The following CTNND2 variants were observed in gnomAD, a reference collection of about 807,000 sequenced individuals.
CTNND2 encodes the protein catenin delta 2.
Under a neutral mutation model 144.4 loss-of-function variants are expected in CTNND2, and 22 were observed. The ratio of observed to expected loss-of-function variants is 0.15; its 90% CI spans 0.11 to 0.22. The LOEUF is 0.22. Among genes scored for constraint, CTNND2 ranks in the 10% least tolerant of loss-of-function variants. The pLI is 1.00. For synonymous variants in CTNND2, 751 were observed against 695.6 expected, an observed-to-expected ratio of 1.08 and a Z score of -1.25; for missense variants, 1,353 against 1,618.8, an observed-to-expected ratio of 0.84 and a Z score of 2.82.
intron 3 of CTNND2, among the ~76,000 whole-genome samples, chr5:11,419,190 C>T (rs1762168463): frequency 6.6e-6 from 1 of 151,832 alleles, no homozygotes; most frequent in Non-Finnish European, 1.5e-5. Flanking sequence ...AACTTCCCTC[C>T]CTCTTTTATC....
At chr5:11,291,619 C>G (rs1249404472) in intron 9 of CTNND2, among the ~76,000 whole-genome samples, 1 of 152,056 alleles carries the variant, frequency 6.6e-6, no homozygotes, top group Non-Finnish European at 1.5e-5. Context: ...AACTCTGGTC[C>G]TTTCTCTCTG....
At chr5:11,220,834 A>G (rs16901416) in intron 10 of CTNND2, among the ~76,000 whole-genome samples, 8,531 of 152,232 alleles carry the variant, frequency 0.056, 796 homozygotes, top group African/African-American at 0.19. Flanking sequence ...TTTCCAGGGG[A>G]CATACATTTC....
At chr5:11,480,930 T>C (rs1430917166) in intron 3 of CTNND2, among the ~76,000 whole-genome samples, 1 of 152,114 alleles carries the variant, frequency 6.6e-6, no homozygotes, top group Non-Finnish European at 1.5e-5. Context: ...CAAGCCCTGC[T>C]GGAGCTTGGG....
At chr5:11,710,335 G>C (rs1003502952) in intron 2 of CTNND2, among the ~76,000 whole-genome samples, 1 of 152,038 alleles carries the variant, frequency 6.6e-6, no homozygotes, top group African/African-American at 2.4e-5. Flanking sequence ...GAGGTCAAGG[G>C]ATCGAGATCA....
chr5:11,229,450 G>A (rs1408107867), intron 10 of CTNND2, among the ~76,000 whole-genome samples: 3 of 152,126 alleles, frequency 2.0e-5, no homozygotes, highest in African/African-American at 4.8e-5. Context: ...GTGCCCAGGA[G>A]TTCAAGGCTA....
Position 11,523,888 on chromosome 5 carries a change from C to T in CTNND2, c.287+41056G>A, listed in dbSNP as rs551281327. ...AAGCGGGTGCAGGGGGTCTGCACGT[C>T]TCATTCTCTCCATCTATGGCCTTCA... On this transcript the variant is annotated intron_variant, in intron 3 of 21. Coordinates refer to ENST00000304623, the MANE Select transcript of CTNND2 (RefSeq NM_001332.4). 3.3e-5 allele frequency among the ~76,000 whole-genome samples: 5 copies of T among 152,300 alleles called. No individual in the cohort carries two copies. In the East Asian group the frequency reaches 9.7e-4, roughly 29 times the overall value.
At chr5:11,749,163 T>C (rs1473360993) in intron 1 of CTNND2, among the ~76,000 whole-genome samples, 3 of 152,042 alleles carry the variant, frequency 2.0e-5, no homozygotes, top group East Asian at 1.9e-4. Flanking sequence ...TCAGATGATA[T>C]AGACCTAGCT....
intron 9 of CTNND2, among the ~76,000 whole-genome samples, chr5:11,323,328 G>C (rs1211822625): frequency 6.6e-6 from 1 of 151,990 alleles, no homozygotes; most frequent in Non-Finnish European, 1.5e-5. Flanking sequence ...GAGAATACAG[G>C]CATGAAACAC....
At chr5:11,430,284 T>TC (rs1290483714) in intron 3 of CTNND2, among the ~76,000 whole-genome samples, 2 of 149,622 alleles carry the variant, frequency 1.3e-5, no homozygotes, top group African/African-American at 4.9e-5. Context: ...GTTTTTTTTT[T>TC]CCTTTTTACC....
chr5:11,594,837 ATAAGT>A (rs1779424297), intron 2 of CTNND2, among the ~76,000 whole-genome samples: 1 of 152,234 alleles, frequency 6.6e-6, no homozygotes. Flanking sequence ...TGATTTACAA[ATAAGT>A]TAAAGTTAAC....
intron 1 of CTNND2, among the ~76,000 whole-genome samples, chr5:11,858,716 T>C (rs1795362075): frequency 6.6e-6 from 1 of 152,130 alleles, no homozygotes; most frequent in African/African-American, 2.4e-5. Context: ...GATCACGAGG[T>C]CAGGAGATGG....
At chr5:11,795,159 G>A (rs764378876) in intron 1 of CTNND2, among the ~76,000 whole-genome samples, 3 of 152,070 alleles carry the variant, frequency 2.0e-5, no homozygotes, top group Non-Finnish European at 2.9e-5. Context: ...TACGTGCCCT[G>A]ACTCCAATGG....
chr5:11,016,777 AT>A (rs997950998), intron 18 of CTNND2, among the ~76,000 whole-genome samples: 53 of 147,222 alleles, frequency 3.6e-4, no homozygotes, highest in East Asian at 1.4e-3. Context: ...TCCCCTATAT[AT>A]TTTTTTTTTT....
intron 3 of CTNND2, among the ~76,000 whole-genome samples, chr5:11,498,919 T>G (rs1472435145): frequency 1.3e-5 from 2 of 152,056 alleles, no homozygotes; most frequent in Non-Finnish European, 2.9e-5. Context: ...GGATGTGTGT[T>G]TTTTTTTAAA....
intron 2 of CTNND2, among the ~76,000 whole-genome samples, chr5:11,666,345 A>G (rs75415001): frequency 0.024 from 3,589 of 152,352 alleles, 43 homozygotes; most frequent in East Asian, 0.056. Flanking sequence ...AGGGGAAACC[A>G]AACCTTAGAA....
chr5:11,611,453 A>AT (rs1242044823), intron 2 of CTNND2, among the ~76,000 whole-genome samples: 1 of 152,194 alleles, frequency 6.6e-6, no homozygotes, highest in East Asian at 1.9e-4. Context: ...CGAAGTCTAC[A>AT]TATCTTCCCT....
chr5:11,106,076 T>C (rs533127209), intron 14 of CTNND2, among the ~76,000 whole-genome samples: 139 of 152,310 alleles, frequency 9.1e-4, no homozygotes, highest in African/African-American at 3.1e-3. Context: ...AGCAGATGCA[T>C]GAAGTGATAA....
chr5:11,335,318 A>T (rs890707058), intron 9 of CTNND2, among the ~76,000 whole-genome samples: 6 of 152,258 alleles, frequency 3.9e-5, no homozygotes, highest in Non-Finnish European at 7.3e-5. Context: ...AGCAATGGAA[A>T]TTAATTTTCA....
intron 10 of CTNND2, among the ~76,000 whole-genome samples, chr5:11,235,307 T>C (rs1388241215): frequency 6.6e-6 from 1 of 152,184 alleles, no homozygotes; most frequent in Non-Finnish European, 1.5e-5. Context: ...AGACAACATA[T>C]GATGATGGTA....
Sources: gnomAD v4.1 joint callset for allele counts (sites outside exome capture counted in the v4.1 genomes callset) on GRCh38, gnomAD v4.1.1 for gene constraint, MANE v1.5 for transcripts, NCBI Gene and HGNC (gene_info 2026-07-23, HGNC 2026-07-21) for gene names.